RGS6: variants seen among roughly 807,000 people sequenced by gnomAD.
RGS6 encodes regulator of G protein signaling 6, also known as regulator of G-protein signaling 6.
A neutral mutation model predicts 78.5 loss-of-function variants in RGS6; 30 were observed. The ratio of observed to expected loss-of-function variants is 0.38; its 90% CI spans 0.29 to 0.52. The LOEUF (loss-of-function observed/expected upper bound fraction) is 0.52, where lower values mean the gene tolerates loss of function less well. RGS6 is among the 20% of genes least tolerant of loss of function. The probability of loss-of-function intolerance (pLI) is 0.85; values close to 1 mark genes in which losing one functional copy is unlikely to be tolerated. For synonymous variants in RGS6, 206 were observed against 206.0 expected (o/e 1.00, Z 0.00); for missense variants, 495 against 609.7 (o/e 0.81, Z 1.98).
chr14:72,008,524 AG>A (rs55769018), intron 2 of RGS6, among the ~76,000 whole-genome samples: 96,363 of 151,984 alleles, frequency 0.63, 31,856 homozygotes, highest in Non-Finnish European at 0.74. Flanking sequence ...ACATTGTACT[AG>A]GGTTGGCCTG....
At chr14:72,040,258 T>C (rs1281229820) in intron 2 of RGS6, among the ~76,000 whole-genome samples, 3 of 152,180 alleles carry the variant, frequency 2.0e-5, no homozygotes, top group Non-Finnish European at 4.4e-5. Flanking sequence ...TTCATATTGA[T>C]ATCTAGGATC....
rs146755905 is a variant in RGS6, at chr14:72,390,590, C to T, written c.184+38396C>T. On this transcript the variant is annotated intron_variant, in intron 3 of 17. Coordinates refer to ENST00000553525, the MANE Select transcript of RGS6 (RefSeq NM_001204424.2). ...GAAAATTTTGGGATACTTTCACACA[C>T]ACACACACAAATGTTATCCTCAGAT... is the stretch of plus-strand genomic sequence containing the variant. Among the ~76,000 whole-genome samples the T allele has an allele frequency of 2.0e-3, 300 of 152,244 alleles. 2 individuals carry two copies. The highest frequency in any genetic ancestry group is 7.0e-3 in the African/African-American group (291 of 41,524).
chr14:72,211,723 A>C (rs958066415), intron 2 of RGS6, among the ~76,000 whole-genome samples: 2 of 152,198 alleles, frequency 1.3e-5, no homozygotes, highest in African/African-American at 4.8e-5. Flanking sequence ...TTCAACTGCA[A>C]AATACCCTAT....
intron 4 of RGS6, among the ~76,000 whole-genome samples, chr14:72,456,811 C>T (rs1190566799): frequency 6.6e-6 from 1 of 152,024 alleles, no homozygotes; most frequent in Non-Finnish European, 1.5e-5. Context: ...GACATGGTAG[C>T]TCATGCCTGT....
chr14:72,609,779 C>T, the RGS6 span, among the ~76,000 whole-genome samples: 1 of 152,070 alleles, frequency 6.6e-6, no homozygotes, highest in African/African-American at 2.4e-5. Flanking sequence ...CAGGGTGGGC[C>T]AAATGGAGAT....
intron 2 of RGS6, among the ~76,000 whole-genome samples, chr14:72,313,618 G>T (rs1248852168): frequency 4.6e-5 from 7 of 152,036 alleles, no homozygotes; most frequent in African/African-American, 1.4e-4. Flanking sequence ...GTGATTAAGA[G>T]AAGCTAGCTT....
At chr14:72,550,848 TG>T (rs1472289644) in intron 17 of RGS6, among the ~76,000 whole-genome samples, 3 of 151,540 alleles carry the variant, frequency 2.0e-5, no homozygotes, top group Non-Finnish European at 2.9e-5. Context: ...TTTGGGGGGG[TG>T]TTTTTTTTGA....
rs542788657 is a variant in RGS6 at position 72,486,878 on chromosome 14, A to C, written c.855-8274A>C. ...TCTTGTGCTGTTTCTGCACAGTCTG[A>C]TGATGTTGAGAAGCATAAGGGAAGA... On this transcript the variant is annotated intron_variant, in intron 12 of 17. Coordinates refer to ENST00000553525, the MANE Select transcript of RGS6 (RefSeq NM_001204424.2). Among the ~76,000 whole-genome samples, 3 of 152,204 alleles carry C rather than the reference A, an allele frequency of 2.0e-5. No individual in the cohort carries two copies. The South Asian group carries it at 6.2e-4, about 32-fold the overall frequency.
At chr14:72,414,963 C>G (rs555579959) in intron 3 of RGS6, among the ~76,000 whole-genome samples, 1 of 152,200 alleles carries the variant, frequency 6.6e-6, no homozygotes, top group African/African-American at 2.4e-5. Flanking sequence ...TCTGCCCCTA[C>G]TGGGGGGGTG....
chr14:72,458,193 C>T (rs1472152869), intron 4 of RGS6, 78 bp from the exon 5 acceptor site: 1 of 1,098,412 alleles, frequency 9.1e-7, no homozygotes, highest in Non-Finnish European at 1.4e-6. Context: ...TGACAGTTGA[C>T]TTCTGGTCTC....
At chr14:72,088,861 C>A (rs1211144354) in intron 2 of RGS6, among the ~76,000 whole-genome samples, 2 of 152,214 alleles carry the variant, frequency 1.3e-5, no homozygotes, top group Non-Finnish European at 2.9e-5. Context: ...TCACTCCAAG[C>A]TCATTCCCTC....
intron 2 of RGS6, among the ~76,000 whole-genome samples, chr14:72,276,009 G>C (rs535966351): frequency 6.6e-6 from 1 of 152,080 alleles, no homozygotes; most frequent in Non-Finnish European, 1.5e-5. Context: ...GGGCAGAATT[G>C]GGGGAAGGAG....
At chr14:72,210,566 C>G (rs1394032349) in intron 2 of RGS6, among the ~76,000 whole-genome samples, 1 of 152,206 alleles carries the variant, frequency 6.6e-6, no homozygotes, top group Non-Finnish European at 1.5e-5. Flanking sequence ...AACAGATTCA[C>G]TCTTGTTTAA....
intron 2 of RGS6, among the ~76,000 whole-genome samples, chr14:71,967,847 C>T (rs763728164): frequency 6.6e-6 from 1 of 152,138 alleles, no homozygotes; most frequent in Non-Finnish European, 1.5e-5. Flanking sequence ...AGGATGGTAA[C>T]CTCCTGACAT....
intron 1 of RGS6, among the ~76,000 whole-genome samples, chr14:71,937,544 G>A (rs927050477): frequency 3.3e-5 from 5 of 152,176 alleles, no homozygotes; most frequent in African/African-American, 9.7e-5. Context: ...TTGTGACTTC[G>A]AAAGGCCATT....
chr14:72,621,453 T>C, the RGS6 span, among the ~76,000 whole-genome samples: 2 of 152,204 alleles, frequency 1.3e-5, no homozygotes, highest in African/African-American at 4.8e-5. Context: ...CCCCCACCAG[T>C]GCAGAAATCC....
chr14:71,942,619 G>T (rs552355643), intron 1 of RGS6, among the ~76,000 whole-genome samples: 1 of 152,300 alleles, frequency 6.6e-6, no homozygotes, highest in South Asian at 2.1e-4. Flanking sequence ...ATACCAAAGG[G>T]TGTTGTTCTT....
chr14:72,304,591 C>T (rs1352428232), intron 2 of RGS6, among the ~76,000 whole-genome samples: 1 of 152,090 alleles, frequency 6.6e-6, no homozygotes, highest in Non-Finnish European at 1.5e-5. Context: ...TTTTAATAAA[C>T]ATTGGCCAGG....
In RGS6 at chr14:72,143,258, A is replaced by G. The variant is rs150716516; in HGVS notation, c.84+178383A>G. 6.1e-3 allele frequency among the ~76,000 whole-genome samples: 929 copies of G among 152,214 alleles called. 8 individuals carry two copies. Among genetic ancestry groups the G allele is most frequent in the African/African-American group, 0.02 (839 of 41,526 alleles). Reference sequence around the variant, plus strand: ...CGTGGTGGTGGGCGTCTGTAATCCCAGCTGCTCGGGAGGCTGATGCAGGAG... The same window carrying G: ...CGTGGTGGTGGGCGTCTGTAATCCCGGCTGCTCGGGAGGCTGATGCAGGAG... On this transcript the variant is annotated intron_variant, in intron 2 of 17. Coordinates refer to ENST00000553525, the MANE Select transcript of RGS6 (RefSeq NM_001204424.2).
Sources: allele counts gnomAD v4.1 joint callset (sites outside exome capture counted in the v4.1 genomes callset), GRCh38; gene constraint gnomAD v4.1.1; transcripts MANE v1.5; gene names NCBI Gene and HGNC (gene_info 2026-07-23, HGNC 2026-07-21).